CD36: variants seen among roughly 807,000 people sequenced by gnomAD.
The protein encoded by CD36 is platelet glycoprotein 4.
In CD36, 119 loss-of-function variants were observed where a neutral mutation model predicts 55.2. The observed-to-expected ratio is 2.15, with a 90% CI of 1.86 to 2.51. The LOEUF is 2.51. Ranked by LOEUF, CD36 falls within the 30% of genes most tolerant of loss-of-function variation. The pLI, the probability that CD36 is intolerant of heterozygous loss-of-function variation, is 0.00. For synonymous variants in CD36, 186 were observed against 193.6 expected, an observed-to-expected ratio of 0.96 and a Z score of 0.33; for missense variants, 819 against 555.5, an observed-to-expected ratio of 1.47 and a Z score of -4.77.
intron 1 of CD36, among the ~76,000 whole-genome samples, chr7:80,627,047 T>C (rs1793783174): frequency 6.6e-6 from 1 of 152,068 alleles, no homozygotes; most frequent in African/African-American, 2.4e-5. Flanking sequence ...ATTACAAGGT[T>C]CTATTTACTG....
intron 1 of CD36, among the ~76,000 whole-genome samples, chr7:80,618,739 G>A (rs986493822): frequency 1.3e-5 from 2 of 152,194 alleles, no homozygotes; most frequent in African/African-American, 4.8e-5. Context: ...AAGAGGTGAG[G>A]AAGCTGCAGA....
chr7:80,660,566 G>C (rs1040944146), intron 4 of CD36, among the ~76,000 whole-genome samples: 3 of 152,028 alleles, frequency 2.0e-5, no homozygotes, highest in Admixed American at 6.6e-5. Flanking sequence ...GATCTTACTT[G>C]TTTCAATAAC....
At chr7:80,659,624 C>G (rs956372491) in intron 4 of CD36, among the ~76,000 whole-genome samples, 1 of 151,962 alleles carries the variant, frequency 6.6e-6, no homozygotes, top group Non-Finnish European at 1.5e-5. Flanking sequence ...ATTCTAAAGG[C>G]AGGGCTGTTT....
At chr7:80,656,300 C>G (rs1467026983) in intron 3 of CD36, among the ~76,000 whole-genome samples, 1 of 152,170 alleles carries the variant, frequency 6.6e-6, no homozygotes, top group African/African-American at 2.4e-5. Flanking sequence ...TTAAAATCAA[C>G]AGTCGTGTCT....
At chr7:80,633,920 C>CATAT (rs548291988), upstream of CD36, among the ~76,000 whole-genome samples, 922 of 152,122 alleles carry the variant, frequency 6.1e-3, 9 homozygotes, top group African/African-American at 0.021. Flanking sequence ...TTGCCACCTA[C>CATAT]ATATGTTCAC....
chr7:80,662,585 CT>C (rs34614420), intron 5 of CD36: 64,442 of 196,274 alleles, frequency 0.33, 7,362 homozygotes, highest in South Asian at 0.43. Flanking sequence ...AGACTTATGG[CT>C]TTTTTTTTTT....
Position 80,664,402 on chromosome 7 carries a change from T to G in CD36, c.610-4T>G. On this transcript the variant is annotated splice_polypyrimidine_tract_variant and splice_region_variant and intron_variant, in intron 6 of 14. Coordinates refer to ENST00000447544, the MANE Select transcript of CD36 (RefSeq NM_001001548.3). ...AGTAACATTTTCCCATACATATATT[T>G]CAGTACAACAATACTGCAGATGGAG... is the stretch of plus-strand genomic sequence containing the variant. 1 of 1,445,712 alleles carries G rather than the reference T, an allele frequency of 6.9e-7. No homozygotes were observed. Among genetic ancestry groups the G allele is most frequent in the South Asian group, 1.1e-5 (1 of 87,622 alleles). The allele number at this position is 1,445,712 out of a possible 1,614,324, so 89.6% of individuals were successfully genotyped here.
At chr7:80,661,268 A>C in intron 5 of CD36, 58 bp downstream of exon 5, 2 of 1,447,674 alleles carry the variant, frequency 1.4e-6, no homozygotes, top group Non-Finnish European at 1.9e-6. Flanking sequence ...TCATGTAATT[A>C]ATCCTATCAT....
At chr7:80,656,830 AT>A (rs757110321) in intron 4 of CD36, 130 bp downstream of exon 4, 4 of 804,306 alleles carry the variant, frequency 5.0e-6, no homozygotes, top group Non-Finnish European at 8.1e-6. Context: ...ACTTTAAAAT[AT>A]TTTTCCTGTC....
intron 8 of CD36, among the ~76,000 whole-genome samples, chr7:80,666,789 A>G (rs189518622): frequency 1.4e-3 from 207 of 152,380 alleles, no homozygotes; most frequent in Non-Finnish European, 2.6e-3. Context: ...AAACAACAAC[A>G]CAAAACACTT....
At chr7:80,609,704 C>T (rs568225174) in intron 1 of CD36, among the ~76,000 whole-genome samples, 1 of 152,318 alleles carries the variant, frequency 6.6e-6, no homozygotes, top group African/African-American at 2.4e-5. Context: ...ATAAATAAAA[C>T]AAAGTTGATG....
At chr7:80,671,209 A>C in intron 10 of CD36, 45 bp downstream of exon 10, 1 of 1,295,314 alleles carries the variant, frequency 7.7e-7, no homozygotes, top group Non-Finnish European at 1.1e-6. Context: ...ATAATTTGTG[A>C]TATTCTTTAA....
chr7:80,603,747 G>A (rs1346721394), intron 1 of CD36, among the ~76,000 whole-genome samples: 2 of 132,946 alleles, frequency 1.5e-5, no homozygotes, highest in Non-Finnish European at 3.1e-5. Flanking sequence ...ATAAGCTCTG[G>A]AACTCAAGAA....
chr7:80,627,901 T>C (rs1372015452), intron 1 of CD36, among the ~76,000 whole-genome samples: 1 of 152,038 alleles, frequency 6.6e-6, no homozygotes, highest in African/African-American at 2.4e-5. Flanking sequence ...AATAAATACC[T>C]GTGAAAGGGA....
At chr7:80,645,826 T>C (rs1457017717) in intron 1 of CD36, among the ~76,000 whole-genome samples, 2 of 151,782 alleles carry the variant, frequency 1.3e-5, no homozygotes, top group Non-Finnish European at 2.9e-5. Flanking sequence ...AGACATCCTC[T>C]ACATTTTATA....
In CD36 at chr7:80,661,212, T is replaced by G. The variant is rs3211893; in HGVS notation, c.429+2T>G. The G allele has an allele frequency of 6.2e-7, 1 of 1,613,518 alleles. No homozygotes were observed. Among genetic ancestry groups the G allele is most frequent in the South Asian group, 1.1e-5 (1 of 91,078 alleles). ...ACAGTTCTCAATCTGGCTGTGGCAGTGAGTAGACAAACAACAAAGTTATCT... is the reference window on the plus strand; with the variant it reads ...ACAGTTCTCAATCTGGCTGTGGCAGGGAGTAGACAAACAACAAAGTTATCT... On this transcript the variant is annotated splice_donor_variant, in intron 5 of 14. Coordinates refer to ENST00000447544, the MANE Select transcript of CD36 (RefSeq NM_001001548.3). LOFTEE classifies it high-confidence loss of function.
chr7:80,619,657 A>AC (rs1173400744), intron 1 of CD36, among the ~76,000 whole-genome samples: 8 of 151,136 alleles, frequency 5.3e-5, no homozygotes, highest in African/African-American at 1.9e-4. Context: ...AAAACAGAAA[A>AC]AAAAAAAAAA....
At chr7:80,635,594 A>T (rs1316064553), upstream of CD36, among the ~76,000 whole-genome samples, 1 of 152,070 alleles carries the variant, frequency 6.6e-6, no homozygotes, top group Non-Finnish European at 1.5e-5. Flanking sequence ...TGTTAAACAA[A>T]AACTATGTCA....
At chr7:80,672,910 T>C (rs1797853135) in intron 12 of CD36, 67 bp downstream of exon 12, 8 of 1,014,694 alleles carry the variant, frequency 7.9e-6, no homozygotes, top group Non-Finnish European at 1.1e-5. Flanking sequence ...TGTAAGAACA[T>C]GAGTAAATCT....
Sources: allele counts gnomAD v4.1 joint callset (sites outside exome capture counted in the v4.1 genomes callset), GRCh38; gene constraint gnomAD v4.1.1; transcripts MANE v1.5; gene names NCBI Gene and HGNC (gene_info 2026-07-23, HGNC 2026-07-21).